The following CSMD2 variants were observed in gnomAD, a reference collection of about 807,000 sequenced individuals.
The protein encoded by CSMD2 is CUB and Sushi multiple domains 2, also known as CUB and sushi domain-containing protein 2.
In CSMD2, 130 loss-of-function variants were observed where a neutral mutation model predicts 398.5. That is an observed-to-expected ratio of 0.33 (90% confidence interval 0.28 to 0.38). The LOEUF (loss-of-function observed/expected upper bound fraction) is 0.38, where lower values mean the gene tolerates loss of function less well. Among genes scored for constraint, CSMD2 ranks in the 10% least tolerant of loss-of-function variants. CSMD2 has a pLI of 1.00. For missense variants in CSMD2, 3,829 were observed against 4,764.9 expected, an observed-to-expected ratio of 0.80 and a Z score of 5.78; for synonymous variants, 1,828 against 1,908.5, an observed-to-expected ratio of 0.96 and a Z score of 1.10.
rs1319341353 is a variant in CSMD2, at chr1:34,094,855, C to T, written c.188-5662G>A. ...GTCAACATTAGACAGATCAACGAGA[C>T]AGAAAGTCAACAAGGATACCCAGGA... On this transcript the variant is annotated intron_variant, in intron 1 of 70. Transcript: ENST00000373381. Among the ~76,000 whole-genome samples, 4 of 150,290 alleles carry T rather than the reference C, an allele frequency of 2.7e-5. No homozygotes were observed. The East Asian group carries it at 7.8e-4, about 29-fold the overall frequency.
At chr1:33,902,483 A>T (rs1642818336) in intron 5 of CSMD2, among the ~76,000 whole-genome samples, 2 of 152,236 alleles carry the variant, frequency 1.3e-5, no homozygotes, top group African/African-American at 4.8e-5. Context: ...AGTGAGCTGT[A>T]AAAATCACCG....
intron 12 of CSMD2, among the ~76,000 whole-genome samples, chr1:33,788,030 T>G (rs1224947145): frequency 6.6e-6 from 1 of 152,132 alleles, no homozygotes; most frequent in Non-Finnish European, 1.5e-5. Flanking sequence ...AAAGTCTCCA[T>G]GAACCAGGTA....
chr1:33,664,754 G>T (rs1644253359), intron 25 of CSMD2, among the ~76,000 whole-genome samples: 1 of 152,060 alleles, frequency 6.6e-6, no homozygotes, highest in Non-Finnish European at 1.5e-5. Flanking sequence ...AGTGAGCCAA[G>T]ATTGCACCAC....
chr1:33,951,810 C>A (rs1645016229), intron 3 of CSMD2, among the ~76,000 whole-genome samples: 1 of 152,222 alleles, frequency 6.6e-6, no homozygotes, highest in African/African-American at 2.4e-5. Context: ...CCTACCACAC[C>A]CTCAACCACG....
intron 26 of CSMD2, among the ~76,000 whole-genome samples, chr1:33,660,093 T>C (rs949685492): frequency 2.0e-5 from 3 of 152,210 alleles, no homozygotes; most frequent in African/African-American, 7.2e-5. Flanking sequence ...ATTATTTATA[T>C]GGGAGGCAAT....
chr1:33,854,625 C>T (rs1353407467), intron 5 of CSMD2, among the ~76,000 whole-genome samples: 2 of 152,230 alleles, frequency 1.3e-5, no homozygotes, highest in Non-Finnish European at 2.9e-5. Flanking sequence ...GCTGACCTAT[C>T]CCCAAAGCAG....
chr1:34,111,332 T>A (rs1661057837), intron 1 of CSMD2, among the ~76,000 whole-genome samples: 2 of 152,224 alleles, frequency 1.3e-5, no homozygotes, highest in South Asian at 4.1e-4. Flanking sequence ...AATGAAAATC[T>A]GGGAAGGAAG....
chr1:33,530,423 T>C (rs1189158082), intron 64 of CSMD2, among the ~76,000 whole-genome samples: 1 of 152,166 alleles, frequency 6.6e-6, no homozygotes, highest in Non-Finnish European at 1.5e-5. Flanking sequence ...GAAGGACTAT[T>C]ATAAATAAGA....
chr1:34,049,966 C>T (rs940500898), intron 2 of CSMD2, among the ~76,000 whole-genome samples: 2 of 152,206 alleles, frequency 1.3e-5, no homozygotes, highest in African/African-American at 2.4e-5. Flanking sequence ...CTCTTGCCGA[C>T]CCTGTCTGCA....
intron 1 of CSMD2, among the ~76,000 whole-genome samples, chr1:34,134,052 C>CAAAAAA (rs59062675): frequency 1.2e-5 from 1 of 85,232 alleles, no homozygotes; most frequent in African/African-American, 5.0e-5. Context: ...GACTCTGTCT[C>CAAAAAA]AAAAAAAAAA....
At chr1:34,154,285 A>T (rs1486306404) in intron 1 of CSMD2, among the ~76,000 whole-genome samples, 1 of 152,216 alleles carries the variant, frequency 6.6e-6, no homozygotes, top group East Asian at 1.9e-4. Flanking sequence ...GGGCACTCTT[A>T]GTGGAAATGT....
At chr1:34,107,384 T>A (rs1237054654) in intron 1 of CSMD2, among the ~76,000 whole-genome samples, 2 of 152,160 alleles carry the variant, frequency 1.3e-5, no homozygotes, top group South Asian at 2.1e-4. Context: ...TTATTAAACA[T>A]TTTTTCTGTG....
At position 33,526,114 on chromosome 1, in the gene CSMD2, AAT is replaced by A. The variant is rs1256149818; in HGVS notation, c.10235-1073_10235-1072del. On this transcript the variant is annotated intron_variant, in intron 65 of 70. Coordinates refer to ENST00000373381, the MANE Select transcript of CSMD2 (RefSeq NM_001281956.2). The stretch of plus-strand genomic sequence containing the variant: ...GAATAACATCACATTGTACTCTATA[AAT>A]ATGTTTATTATTTGTCAATTAAAAT... Among the ~76,000 whole-genome samples the A allele has an allele frequency of 2.6e-4, 40 of 152,350 alleles. No homozygotes were observed. In the South Asian group the frequency reaches 3.1e-3, roughly 12 times the overall value.
intron 22 of CSMD2, among the ~76,000 whole-genome samples, chr1:33,707,406 T>C (rs1571292515): frequency 6.6e-6 from 1 of 152,212 alleles, no homozygotes. Flanking sequence ...TTGCACCCTC[T>C]GAGACTCAAA....
intron 3 of CSMD2, among the ~76,000 whole-genome samples, chr1:33,950,719 C>T (rs1026899797): frequency 6.6e-6 from 1 of 152,176 alleles, no homozygotes; most frequent in Non-Finnish European, 1.5e-5. Flanking sequence ...CCCTAAATCT[C>T]CCCAGGTGAA....
At chr1:33,896,925 A>G (rs967237094) in intron 5 of CSMD2, among the ~76,000 whole-genome samples, 7 of 151,794 alleles carry the variant, frequency 4.6e-5, no homozygotes, top group African/African-American at 1.7e-4. Context: ...CGTGGCATCT[A>G]AGGACCAGCA....
intron 5 of CSMD2, among the ~76,000 whole-genome samples, chr1:33,865,559 A>T (rs967320421): frequency 1.3e-5 from 2 of 152,148 alleles, no homozygotes; most frequent in African/African-American, 2.4e-5. Context: ...CGCCTTGGCC[A>T]CAGTCATTGG....
chr1:34,157,469 C>G (rs1571297238), intron 1 of CSMD2, among the ~76,000 whole-genome samples: 2 of 152,030 alleles, frequency 1.3e-5, no homozygotes, highest in African/African-American at 2.4e-5. Flanking sequence ...TCTGACTCAC[C>G]TCTATCTCAT....
At chr1:33,717,102 G>T (rs1295069150) in intron 19 of CSMD2, among the ~76,000 whole-genome samples, 1 of 152,036 alleles carries the variant, frequency 6.6e-6, no homozygotes, top group South Asian at 2.1e-4. Flanking sequence ...AGTGTCCCAG[G>T]CAGGAGACCC....
Sources: allele counts gnomAD v4.1 joint callset (sites outside exome capture counted in the v4.1 genomes callset), GRCh38; gene constraint gnomAD v4.1.1; transcripts MANE v1.5; gene names NCBI Gene and HGNC (gene_info 2026-07-23, HGNC 2026-07-21).